The following TENT2 variants were observed in gnomAD, a reference collection of about 807,000 sequenced individuals.
The protein encoded by TENT2 is terminal nucleotidyltransferase 2.
TENT2 carries 44 observed loss-of-function variants against 72.2 expected under a neutral mutation model. That is an observed-to-expected ratio of 0.61 (90% CI 0.48 to 0.78). The LOEUF is 0.78. TENT2 is among the 30% of genes least tolerant of loss of function. TENT2 has a pLI of 0.00. For missense variants in TENT2, 541 were observed against 569.6 expected, an observed-to-expected ratio of 0.95 and a Z score of 0.51; for synonymous variants, 212 against 192.5, an observed-to-expected ratio of 1.10 and a Z score of -0.84.
chr5:79,638,617 T>C (rs1229075597), intron 4 of TENT2, among the ~76,000 whole-genome samples: 2 of 152,206 alleles, frequency 1.3e-5, no homozygotes, highest in Non-Finnish European at 2.9e-5. Context: ...GAGAAGGTAT[T>C]ACCTATAAGC....
chr5:79,646,551 A>T (rs1789178467), intron 8 of TENT2, among the ~76,000 whole-genome samples: 1 of 152,190 alleles, frequency 6.6e-6, no homozygotes, highest in Non-Finnish European at 1.5e-5. Flanking sequence ...ATATATCTAA[A>T]CATCAATCAG....
intron 4 of TENT2, among the ~76,000 whole-genome samples, chr5:79,629,014 G>C (rs1388845617): frequency 6.6e-6 from 1 of 152,190 alleles, no homozygotes; most frequent in African/African-American, 2.4e-5. Flanking sequence ...CTGAGTCAGT[G>C]AGGCTGCTGT....
chr5:79,653,565 CCAAA>C (rs1418131991), intron 10 of TENT2, among the ~76,000 whole-genome samples: 3 of 152,116 alleles, frequency 2.0e-5, no homozygotes, highest in African/African-American at 7.2e-5. Flanking sequence ...TTAGACTTTG[CCAAA>C]CATTTTATTT....
intron 10 of TENT2, among the ~76,000 whole-genome samples, chr5:79,652,548 A>AT (rs1345818521): frequency 6.6e-6 from 1 of 151,964 alleles, no homozygotes; most frequent in Non-Finnish European, 1.5e-5. Context: ...GTCTCAAATG[A>AT]TTTTTTTGAC....
In TENT2 at chr5:79,668,919, C is replaced by T. The variant is rs1429785018; in HGVS notation, c.1099C>T (p.His367Tyr). ...GTCTTTTAGTCCTGCTATACAGCTG[C>T]ACCTTGTACATCAAGCTCCATGTAA... The part of the protein sequence containing the change: ...PESFSPAIQL[H>Y]LVHQAPCNVP... Residue 367 changes from histidine to tyrosine, a missense_variant, in exon 12 of 15, where the codon CAC becomes TAC. His to Tyr is a moderately conservative substitution (Grantham distance 83). Coordinates refer to ENST00000453514, the MANE Select transcript of TENT2 (RefSeq NM_001114394.3). The T allele has an allele frequency of 6.2e-7, 1 of 1,613,490 alleles. No homozygotes were observed. Among genetic ancestry groups the T allele is most frequent in the Non-Finnish European group, 8.5e-7 (1 of 1,179,732 alleles).
At chr5:79,664,214 T>C (rs1034224541) in intron 11 of TENT2, among the ~76,000 whole-genome samples, 2 of 152,126 alleles carry the variant, frequency 1.3e-5, no homozygotes, top group Non-Finnish European at 2.9e-5. Context: ...TGTACACACA[T>C]ATATATAGCA....
chr5:79,641,024 C>CTTTTTT, intron 5 of TENT2, 59 bp downstream of exon 5: 1 of 1,140,236 alleles, frequency 8.8e-7, no homozygotes, highest in Non-Finnish European at 1.2e-6. Flanking sequence ...TAAATTTTAT[C>CTTTTTT]TTTTTTTTTT....
intron 4 of TENT2, among the ~76,000 whole-genome samples, chr5:79,637,798 C>CTTTTT (rs60911107): frequency 2.5e-5 from 3 of 122,406 alleles, no homozygotes; most frequent in Non-Finnish European, 3.4e-5. Context: ...TCCTCTTTTG[C>CTTTTT]TTTTTTTTTT....
At position 79,623,252 on chromosome 5, in the gene TENT2, GA is replaced by G. The variant is rs755890323; in HGVS notation, c.229del (p.Arg77AspfsTer2). The G allele has an allele frequency of 6.2e-7, 1 of 1,605,568 alleles. No individual in the cohort carries two copies. The highest frequency in any genetic ancestry group is 1.3e-5 in the African/African-American group (1 of 74,460). ...SASPLFRGRKRLSDEKNLPLD... is the reference protein window; with the variant it reads ...SASPLFRGRKXLSDEKNLPLD... ...ACTAAGGTATATTGCTTGTTTTCAG[GA>G]GATTAAGCGATGAAAAAAACCTTCC... On this transcript the variant is annotated frameshift_variant and splice_region_variant, in exon 4 of 15. Transcript: ENST00000453514. LOFTEE classifies it high-confidence loss of function.
chr5:79,637,170 G>A (rs1780793164), intron 4 of TENT2, among the ~76,000 whole-genome samples: 1 of 152,058 alleles, frequency 6.6e-6, no homozygotes, highest in African/African-American at 2.4e-5. Context: ...GGTCAAGACA[G>A]CAGTGAGCTG....
At chr5:79,620,903 TC>T (rs1214787657) in intron 3 of TENT2, among the ~76,000 whole-genome samples, 1 of 152,168 alleles carries the variant, frequency 6.6e-6, no homozygotes, top group Non-Finnish European at 1.5e-5. Context: ...ACATAAAACT[TC>T]CTATAGTCAA....
intron 11 of TENT2, among the ~76,000 whole-genome samples, chr5:79,664,506 A>T (rs1805648528): frequency 6.6e-6 from 1 of 151,804 alleles, no homozygotes; most frequent in Non-Finnish European, 1.5e-5. Flanking sequence ...GAGGCAGGCG[A>T]ATTGCTTGAA....
At chr5:79,667,312 A>T (rs1809063910) in intron 11 of TENT2, among the ~76,000 whole-genome samples, 1 of 152,186 alleles carries the variant, frequency 6.6e-6, no homozygotes, top group Admixed American at 6.5e-5. Flanking sequence ...ACAGTGACCT[A>T]CTTATTTGAT....
intron 11 of TENT2, among the ~76,000 whole-genome samples, chr5:79,660,228 A>G (rs1046558893): frequency 1.4e-4 from 21 of 152,292 alleles, no homozygotes; most frequent in East Asian, 3.9e-4. Context: ...GTATTATAGT[A>G]TAGAATTACT....
intron 4 of TENT2, among the ~76,000 whole-genome samples, chr5:79,640,495 T>A (rs773363925): frequency 1.3e-5 from 2 of 152,176 alleles, no homozygotes; most frequent in African/African-American, 2.4e-5. Flanking sequence ...TATTTTTATT[T>A]GTTTGTTTTC....
At chr5:79,651,617 T>G (rs1388352590) in intron 10 of TENT2, among the ~76,000 whole-genome samples, 2 of 152,002 alleles carry the variant, frequency 1.3e-5, no homozygotes, top group Non-Finnish European at 2.9e-5. Context: ...TTTTTTTTGT[T>G]TATGACAGCT....
chr5:79,627,126 T>A lies in TENT2; in HGVS notation c.465+3637T>A, dbSNP rs541276747. Among the ~76,000 whole-genome samples, 684 of 116,364 alleles carry A rather than the reference T, an allele frequency of 5.9e-3. 4 individuals are homozygous for A. Among genetic ancestry groups the A allele is most frequent in the South Asian group, 8.9e-3 (35 of 3,950 alleles). 76.3% of individuals were successfully genotyped at this position (116,364 alleles called of 152,430 possible). A position where few individuals can be genotyped will look rare whatever the true frequency, so the allele number is the denominator to read the frequency against. The stretch of plus-strand genomic sequence containing the variant: ...GCCTGGGCGACAGAGTGAGACTCCG[T>A]CTCAAAAAAAAAAAAAAATCTTTTA... On this transcript the variant is annotated intron_variant, in intron 4 of 14. Transcript: ENST00000453514.
chr5:79,614,526 G>A (rs150595964), intron 1 of TENT2, among the ~76,000 whole-genome samples: 2 of 152,286 alleles, frequency 1.3e-5, no homozygotes, highest in East Asian at 1.9e-4. Flanking sequence ...CTCTTTCATG[G>A]TCAAGTACAG....
At chr5:79,648,840 T>A in intron 9 of TENT2, 147 bp downstream of exon 9, 1 of 792,670 alleles carries the variant, frequency 1.3e-6, no homozygotes, top group Non-Finnish European at 2.0e-6. Context: ...ACTAAAATCA[T>A]ATACTGTCAG....
Sources: allele counts gnomAD v4.1 joint callset (sites outside exome capture counted in the v4.1 genomes callset), GRCh38; gene constraint gnomAD v4.1.1; transcripts MANE v1.5; gene names NCBI Gene and HGNC (gene_info 2026-07-23, HGNC 2026-07-21).